Variants in FBXW10B observed in about 807,000 individuals in gnomAD.
FBXW10B encodes F-box and WD repeat domain containing 10B.
the FBXW10B span, among the ~76,000 whole-genome samples, chr17:15,580,865 G>A: frequency 2.0e-5 from 3 of 152,008 alleles, no homozygotes; most frequent in Admixed American, 6.6e-5. Context: ...TCAACACTAT[G>A]TGCTCATTTA....
At chr17:15,594,780 G>A in the FBXW10B span, 8 of 1,613,772 alleles carry the variant, frequency 5.0e-6, no homozygotes, top group South Asian at 2.2e-5. Context: ...GGCAGCGCTC[G>A]TACTTCCCCA....
At chr17:15,595,106 CCGAGG>C in the FBXW10B span, among the ~76,000 whole-genome samples, 1 of 152,112 alleles carries the variant, frequency 6.6e-6, no homozygotes. Flanking sequence ...CTTTGGGAGG[CCGAGG>C]CGGGCGGATC....
At chr17:15,568,460 C>T in the FBXW10B span, among the ~76,000 whole-genome samples, 11 of 152,312 alleles carry the variant, frequency 7.2e-5, no homozygotes, top group African/African-American at 2.2e-4. Context: ...TCAGGGAATG[C>T]GTCTTGAAGC....
At chr17:15,582,298 A>G in the FBXW10B span, among the ~76,000 whole-genome samples, 1 of 150,674 alleles carries the variant, frequency 6.6e-6, no homozygotes, top group Non-Finnish European at 1.5e-5. Context: ...ACCACATTTT[A>G]TGAGCACTAA....
At chr17:15,609,858 T>TC in the FBXW10B span, among the ~76,000 whole-genome samples, 3 of 137,894 alleles carry the variant, frequency 2.2e-5, no homozygotes, top group African/African-American at 8.4e-5. Context: ...CTTTCTTTTT[T>TC]TTTTTTTTTT....
chr17:15,567,779 T>C, the FBXW10B span, among the ~76,000 whole-genome samples: 1 of 152,194 alleles, frequency 6.6e-6, no homozygotes, highest in African/African-American at 2.4e-5. Flanking sequence ...TAAATAAAAG[T>C]ACATTGTTAG....
chr17:15,609,916 A>T, the FBXW10B span, among the ~76,000 whole-genome samples: 2 of 126,938 alleles, frequency 1.6e-5, no homozygotes, highest in African/African-American at 3.1e-5. Context: ...GGAGTGGTGC[A>T]GTGGCGTGAT....
At chr17:15,589,347 A>T in the FBXW10B span, 4 of 1,158,894 alleles carry the variant, frequency 3.5e-6, no homozygotes, top group Non-Finnish European at 4.9e-6. Flanking sequence ...CCTACCTGTG[A>T]CTACAGGTGG....
At chr17:15,607,792 T>G in the FBXW10B span, 1 of 1,024,004 alleles carries the variant, frequency 9.8e-7, no homozygotes, top group Non-Finnish European at 1.4e-6. Context: ...AGATTCTTCC[T>G]CTGAAGGCTG....
the FBXW10B span, among the ~76,000 whole-genome samples, chr17:15,605,694 CAA>C: frequency 1.3e-5 from 2 of 152,224 alleles, no homozygotes; most frequent in East Asian, 1.9e-4. Context: ...GCTAAATCCC[CAA>C]GAGAGAGAAC....
chr17:15,583,770 T>C, the FBXW10B span, among the ~76,000 whole-genome samples: 1 of 152,298 alleles, frequency 6.6e-6, no homozygotes, highest in Non-Finnish European at 1.5e-5. Flanking sequence ...GTATAGGTCC[T>C]GTTTCCAAGT....
the FBXW10B span, chr17:15,612,931 G>T: frequency 3.5e-6 from 5 of 1,425,360 alleles, no homozygotes; most frequent in African/African-American, 7.2e-5. Flanking sequence ...CTGAAGGATG[G>T]GTAAGCCCTG....
the FBXW10B span, among the ~76,000 whole-genome samples, chr17:15,615,341 T>TTTTTTTTTTA: frequency 7.4e-6 from 1 of 134,322 alleles, no homozygotes; most frequent in African/African-American, 3.2e-5. Context: ...TTTTTTTTTT[T>TTTTTTTTTTA]GAGACAGTCT....
the FBXW10B span, among the ~76,000 whole-genome samples, chr17:15,597,085 G>A: frequency 6.6e-6 from 1 of 151,576 alleles, no homozygotes; most frequent in African/African-American, 2.4e-5. Flanking sequence ...TGGCATACAT[G>A]TAGTGTTGTC....
chr17:15,608,814 T>C, the FBXW10B span, among the ~76,000 whole-genome samples: 1 of 152,354 alleles, frequency 6.6e-6, no homozygotes, highest in Non-Finnish European at 1.5e-5. Flanking sequence ...GTAGCTGCCT[T>C]ACAAAGTAGA....
the FBXW10B span, among the ~76,000 whole-genome samples, chr17:15,614,468 A>C: frequency 6.6e-6 from 1 of 152,044 alleles, no homozygotes; most frequent in Non-Finnish European, 1.5e-5. Context: ...TGCTGGGATT[A>C]CAGGCGTGAG....
chr17:15,592,302 T>C, the FBXW10B span, among the ~76,000 whole-genome samples: 1 of 150,608 alleles, frequency 6.6e-6, no homozygotes, highest in Non-Finnish European at 1.5e-5. Context: ...AGAGTTTTTT[T>C]TTTTTTTTTT....
the FBXW10B span, chr17:15,614,148 C>A: frequency 7.8e-7 from 1 of 1,278,388 alleles, no homozygotes; most frequent in African/African-American, 1.6e-5. Flanking sequence ...AGACTCTAAC[C>A]TTAGGCCACT....
At chr17:15,590,042 C>G in the FBXW10B span, among the ~76,000 whole-genome samples, 1 of 152,046 alleles carries the variant, frequency 6.6e-6, no homozygotes, top group African/African-American at 2.4e-5. Context: ...GAGGCAGTGT[C>G]AGCAAAGCGG....
Sources: gnomAD v4.1 joint callset for allele counts (sites outside exome capture counted in the v4.1 genomes callset) on GRCh38, gnomAD v4.1.1 for gene constraint, MANE v1.5 for transcripts, NCBI Gene and HGNC (gene_info 2026-07-23, HGNC 2026-07-21) for gene names.